Variants in ZFHX3 observed in about 807,000 individuals in gnomAD.
ZFHX3 encodes zinc finger homeobox 3.
In ZFHX3, 42 loss-of-function variants were observed where a neutral mutation model predicts 279.1. The observed-to-expected ratio is 0.15, with a 90% confidence interval of 0.12 to 0.19. The LOEUF (loss-of-function observed/expected upper bound fraction) is 0.19, where lower values mean the gene tolerates loss of function less well. Ranked by LOEUF, ZFHX3 falls within the 10% of genes least tolerant of loss-of-function variation. The pLI is 1.00. For synonymous variants in ZFHX3, 2,293 were observed against 1,957.8 expected (o/e 1.17, Z -4.52); for missense variants, 4,981 against 4,754.0 (o/e 1.05, Z -1.40).
At chr16:73,579,640 T>G (rs1275739914) in intron 2 of ZFHX3, among the ~76,000 whole-genome samples, 1 of 150,812 alleles carries the variant, frequency 6.6e-6, no homozygotes, top group African/African-American at 2.4e-5. Flanking sequence ...TAGCTGGGAC[T>G]ACAGGCACCC....
rs150443199 is a variant in ZFHX3 at position 73,377,104 on chromosome 16, T to C, written c.-1290-58768A>G. ...CTCCTGCCTCAGCCTCCCCAGTAGC[T>C]GGGATTATAGGCACGTGCCACCATG... is the stretch of plus-strand genomic sequence containing the variant. On this transcript the variant is annotated intron_variant, in intron 3 of 17. Transcript: ENST00000641206. Among the ~76,000 whole-genome samples, 403 of 152,014 alleles carry C rather than the reference T, an allele frequency of 2.7e-3. 10 individuals are homozygous for C. In the East Asian group the frequency reaches 0.061, roughly 23 times the overall value.
intron 3 of ZFHX3, among the ~76,000 whole-genome samples, chr16:73,370,839 T>C (rs1428075606): frequency 1.3e-5 from 2 of 152,208 alleles, no homozygotes; most frequent in African/African-American, 4.8e-5. Context: ...TGTCCTTCAC[T>C]TTCTCTTTTT....
chr16:73,105,356 C>CAT (rs375625633), intron 7 of ZFHX3, among the ~76,000 whole-genome samples: 61,614 of 119,752 alleles, frequency 0.51, 15,065 homozygotes, highest in South Asian at 0.71. Flanking sequence ...TATATATACA[C>CAT]ATATATATAC....
At chr16:73,203,805 T>C (rs1287615473) in intron 5 of ZFHX3, among the ~76,000 whole-genome samples, 3 of 152,198 alleles carry the variant, frequency 2.0e-5, no homozygotes, top group Admixed American at 2.0e-4. Context: ...AAATGCTCAG[T>C]GGTACCTGGG....
At chr16:73,329,335 T>C (rs1375588374) in intron 3 of ZFHX3, among the ~76,000 whole-genome samples, 2 of 152,254 alleles carry the variant, frequency 1.3e-5, no homozygotes, top group Non-Finnish European at 2.9e-5. Context: ...AATATCTTCC[T>C]ACCCTTTCCA....
intron 4 of ZFHX3, among the ~76,000 whole-genome samples, chr16:73,288,179 G>C (rs1330072442): frequency 6.7e-6 from 1 of 149,984 alleles, no homozygotes; most frequent in Admixed American, 6.6e-5. Context: ...TGGAGGGAGG[G>C]AGGGAGGGAG....
At chr16:72,996,915 C>A (rs1197102733) in intron 1 of ZFHX3, among the ~76,000 whole-genome samples, 1 of 152,186 alleles carries the variant, frequency 6.6e-6, no homozygotes, top group Admixed American at 6.5e-5. Flanking sequence ...CTACTGACAA[C>A]TGGTATGGTC....
At chr16:73,477,072 A>T (rs75876171) in intron 2 of ZFHX3, among the ~76,000 whole-genome samples, 2,005 of 152,350 alleles carry the variant, frequency 0.013, 49 homozygotes, top group African/African-American at 0.044. Flanking sequence ...GAAGAAAAAA[A>T]TTTTAGAAAT....
At chr16:73,700,438 C>T (rs1308954453) in intron 1 of ZFHX3, among the ~76,000 whole-genome samples, 2 of 152,038 alleles carry the variant, frequency 1.3e-5, no homozygotes, top group East Asian at 1.9e-4. Context: ...ATTCCTCAAG[C>T]GTGTGTTACT....
chr16:73,297,956 G>A (rs1391568000), intron 4 of ZFHX3, among the ~76,000 whole-genome samples: 2 of 151,702 alleles, frequency 1.3e-5, no homozygotes, highest in East Asian at 3.9e-4. Context: ...AGGCTGAGGG[G>A]GGAAGGTCAC....
At chr16:73,644,271 G>C (rs1163466507) in intron 2 of ZFHX3, among the ~76,000 whole-genome samples, 1 of 152,024 alleles carries the variant, frequency 6.6e-6, no homozygotes, top group African/African-American at 2.4e-5. Context: ...ATAGTTCCCT[G>C]CACATCTCCC....
intron 1 of ZFHX3, among the ~76,000 whole-genome samples, chr16:73,832,891 G>C (rs1167683350): frequency 6.6e-6 from 1 of 152,142 alleles, no homozygotes; most frequent in Non-Finnish European, 1.5e-5. Context: ...ATAAGTGTCA[G>C]AAATTTGGGG....
chr16:73,495,610 C>T (rs1229279717), intron 2 of ZFHX3, among the ~76,000 whole-genome samples: 2 of 152,168 alleles, frequency 1.3e-5, no homozygotes, highest in East Asian at 3.9e-4. Context: ...CAGTTTTGCC[C>T]TTACAATCTC....
chr16:73,680,512 G>A (rs2052999141), intron 1 of ZFHX3, among the ~76,000 whole-genome samples: 1 of 152,158 alleles, frequency 6.6e-6, no homozygotes, highest in Admixed American at 6.6e-5. Flanking sequence ...GATGGCAATG[G>A]AAAACCATTT....
At chr16:73,671,842 TGTA>T (rs2052907061) in intron 2 of ZFHX3, among the ~76,000 whole-genome samples, 1 of 152,222 alleles carries the variant, frequency 6.6e-6, no homozygotes, top group Admixed American at 6.5e-5. Context: ...ATAAAATAGC[TGTA>T]ATATTCCTCT....
At chr16:73,726,483 T>C (rs916844428) in intron 1 of ZFHX3, among the ~76,000 whole-genome samples, 2 of 152,196 alleles carry the variant, frequency 1.3e-5, no homozygotes, top group African/African-American at 4.8e-5. Flanking sequence ...CATTGTAGGA[T>C]GTTTAAAGCT....
At chr16:73,586,643 G>C (rs2051930029) in intron 2 of ZFHX3, among the ~76,000 whole-genome samples, 1 of 152,002 alleles carries the variant, frequency 6.6e-6, no homozygotes, top group African/African-American at 2.4e-5. Context: ...AAAATTGATA[G>C]GATTACCAGG....
chr16:73,242,947 T>C (rs143787469), intron 5 of ZFHX3, among the ~76,000 whole-genome samples: 1 of 152,280 alleles, frequency 6.6e-6, no homozygotes, highest in Non-Finnish European at 1.5e-5. Flanking sequence ...GGCAAGAAGT[T>C]ATAACCAGAA....
intron 2 of ZFHX3, among the ~76,000 whole-genome samples, chr16:73,481,262 G>A (rs898012292): frequency 1.3e-5 from 2 of 151,744 alleles, no homozygotes; most frequent in African/African-American, 4.8e-5. Context: ...CCAGGAGGTG[G>A]AGGCTGCAGT....
Sources: gnomAD v4.1 joint callset for allele counts (sites outside exome capture counted in the v4.1 genomes callset) on GRCh38, gnomAD v4.1.1 for gene constraint, MANE v1.5 for transcripts, NCBI Gene and HGNC (gene_info 2026-07-23, HGNC 2026-07-21) for gene names.